Variants in SNX29 observed in about 807,000 individuals in gnomAD.
The protein encoded by SNX29 is sorting nexin 29, also known as sorting nexin-29.
Under a neutral mutation model 102.1 loss-of-function variants are expected in SNX29, and 78 were observed. That is an observed-to-expected ratio of 0.76 (90% confidence interval 0.64 to 0.92). The LOEUF is 0.92. SNX29 is among the 40% of genes least tolerant of loss of function. The probability of loss-of-function intolerance (pLI) is 0.00; values close to 1 mark genes in which losing one functional copy is unlikely to be tolerated. For missense variants in SNX29, 1,280 were observed against 1,061.7 expected, an observed-to-expected ratio of 1.21 and a Z score of -2.86; for synonymous variants, 580 against 414.5, an observed-to-expected ratio of 1.40 and a Z score of -4.85.
chr16:12,435,082 G>GA (rs1251828030), intron 18 of SNX29, among the ~76,000 whole-genome samples: 2 of 152,086 alleles, frequency 1.3e-5, no homozygotes, highest in African/African-American at 4.8e-5. Flanking sequence ...CCAGGCCCAG[G>GA]AGAGGGTTGG....
At chr16:12,207,036 C>T (rs935177053) in intron 14 of SNX29, among the ~76,000 whole-genome samples, 1 of 152,024 alleles carries the variant, frequency 6.6e-6, no homozygotes, top group African/African-American at 2.4e-5. Flanking sequence ...GATTTAGCCT[C>T]AGAATTTGTC....
chr16:12,387,738 C>T (rs1299295632), intron 16 of SNX29, among the ~76,000 whole-genome samples: 1 of 152,058 alleles, frequency 6.6e-6, no homozygotes, highest in Non-Finnish European at 1.5e-5. Flanking sequence ...AGCCATCTGA[C>T]CTTAAGACCC....
At chr16:12,307,443 C>T (rs967956578) in intron 15 of SNX29, among the ~76,000 whole-genome samples, 8 of 152,208 alleles carry the variant, frequency 5.3e-5, no homozygotes, top group East Asian at 3.9e-4. Context: ...CAGTGCCAGG[C>T]GTGTGGAATT....
At chr16:12,303,348 A>AC (rs373813543) in intron 15 of SNX29, among the ~76,000 whole-genome samples, 4,904 of 152,316 alleles carry the variant, frequency 0.032, 127 homozygotes, top group African/African-American at 0.062. Context: ...TTAGATATCC[A>AC]TCGATAAGAG....
intron 15 of SNX29, among the ~76,000 whole-genome samples, chr16:12,323,657 A>G (rs2081031326): frequency 6.6e-6 from 1 of 152,196 alleles, no homozygotes; most frequent in Non-Finnish European, 1.5e-5. Context: ...GGCACCACAG[A>G]AAACCATCTT....
At chr16:12,435,196 G>C (rs565274946) in intron 18 of SNX29, among the ~76,000 whole-genome samples, 1 of 152,064 alleles carries the variant, frequency 6.6e-6, no homozygotes, top group Admixed American at 6.6e-5. Flanking sequence ...GTCTCCTCCC[G>C]TTTCCCTCTA....
intron 10 of SNX29, among the ~76,000 whole-genome samples, chr16:12,074,560 G>C (rs1056239990): frequency 6.6e-6 from 1 of 152,122 alleles, no homozygotes; most frequent in African/African-American, 2.4e-5. Flanking sequence ...GCTTCCTTTT[G>C]TGGGTAACCC....
At chr16:11,994,668 G>A (rs986334114) in intron 1 of SNX29, among the ~76,000 whole-genome samples, 6 of 152,232 alleles carry the variant, frequency 3.9e-5, no homozygotes, top group South Asian at 2.1e-4. Flanking sequence ...GACTTAGCCT[G>A]TGGTTGGGAT....
intron 14 of SNX29, among the ~76,000 whole-genome samples, chr16:12,204,696 G>C (rs560371699): frequency 1.8e-4 from 27 of 152,328 alleles, no homozygotes; most frequent in African/African-American, 6.0e-4. Flanking sequence ...AATTTAAAAA[G>C]TTTGTTCTCA....
chr16:12,543,222 G>A (rs1616112), intron 20 of SNX29, among the ~76,000 whole-genome samples: 17,626 of 152,220 alleles, frequency 0.12, 1,331 homozygotes, highest in Non-Finnish European at 0.16. Context: ...CCTGATAGCT[G>A]TAGCGGAAAT....
intron 11 of SNX29, among the ~76,000 whole-genome samples, chr16:12,110,926 C>T (rs1275193173): frequency 4.0e-5 from 6 of 151,824 alleles, no homozygotes; most frequent in East Asian, 3.9e-4. Context: ...TGGGCTCAAG[C>T]GACCCTCCTG....
intron 8 of SNX29, among the ~76,000 whole-genome samples, chr16:12,057,084 G>C (rs1270112592): frequency 6.6e-6 from 1 of 152,172 alleles, no homozygotes; most frequent in Non-Finnish European, 1.5e-5. Context: ...TGAGTGCTGG[G>C]ATTACAGGCA....
intron 13 of SNX29, among the ~76,000 whole-genome samples, chr16:12,147,598 T>G: frequency 6.6e-6 from 1 of 152,200 alleles, no homozygotes; most frequent in East Asian, 1.9e-4. Context: ...TTTGAGTTAC[T>G]TCCGAGAAAT....
intron 14 of SNX29, among the ~76,000 whole-genome samples, chr16:12,233,278 C>T (rs75578605): frequency 3.5e-4 from 53 of 152,206 alleles, no homozygotes; most frequent in African/African-American, 1.1e-3. Context: ...TGAAATCTTG[C>T]CCTTTGCAGC....
At chr16:12,524,604 G>A in intron 19 of SNX29, 98 bp from the exon 20 acceptor site, 1 of 1,410,136 alleles carries the variant, frequency 7.1e-7, no homozygotes, top group Non-Finnish European at 9.5e-7. Flanking sequence ...AGTGTTGGTT[G>A]CCTGGATGGC....
chr16:12,068,654 C>T (rs887058504), intron 9 of SNX29, among the ~76,000 whole-genome samples: 4 of 152,198 alleles, frequency 2.6e-5, no homozygotes, highest in Admixed American at 1.3e-4. Context: ...AAGCGATTCT[C>T]CTGCCTCAGC....
chr16:12,005,099 G>GT (rs2056411163), intron 3 of SNX29, among the ~76,000 whole-genome samples: 2 of 152,198 alleles, frequency 1.3e-5, no homozygotes. Context: ...CAGAAAGGGT[G>GT]TTTCTCCATT....
At chr16:11,979,615 G>A (rs766943840) in intron 1 of SNX29, among the ~76,000 whole-genome samples, 2 of 151,956 alleles carry the variant, frequency 1.3e-5, no homozygotes, top group East Asian at 1.9e-4. Context: ...ATGGAGTCAC[G>A]CTCTGTCACC....
chr16:12,364,864 C>T (rs1158367973), intron 16 of SNX29, among the ~76,000 whole-genome samples: 31 of 152,264 alleles, frequency 2.0e-4, no homozygotes, highest in Admixed American at 1.8e-3. Flanking sequence ...TCCATGCTGT[C>T]GGCTCCTTCC....
Sources: gnomAD v4.1 joint callset for allele counts (sites outside exome capture counted in the v4.1 genomes callset) on GRCh38, gnomAD v4.1.1 for gene constraint, MANE v1.5 for transcripts, NCBI Gene and HGNC (gene_info 2026-07-23, HGNC 2026-07-21) for gene names.